Variants in SHANK2 observed in about 807,000 individuals in gnomAD.
SHANK2 encodes the protein SH3 and multiple ankyrin repeat domains 2, also known as SH3 and multiple ankyrin repeat domains protein 2.
In SHANK2, 43 loss-of-function variants were observed where a neutral mutation model predicts 133.7. That is an observed-to-expected ratio of 0.32 (90% CI 0.25 to 0.41). The LOEUF (loss-of-function observed/expected upper bound fraction) is 0.41. SHANK2 is among the 10% of genes least tolerant of loss of function. The pLI is 1.00. For missense variants in SHANK2, 1,994 were observed against 2,235.8 expected (o/e 0.89, Z 2.18); for synonymous variants, 1,017 against 952.8 (o/e 1.07, Z -1.24).
chr11:70,765,913 G>A (rs533017061), intron 14 of SHANK2, among the ~76,000 whole-genome samples: 3 of 152,278 alleles, frequency 2.0e-5, no homozygotes, highest in African/African-American at 7.2e-5. Context: ...ATCTGTACGG[G>A]GTGAGCACCT....
chr11:71,243,275 A>T (rs895759942), intron 1 of SHANK2, among the ~76,000 whole-genome samples: 1 of 152,258 alleles, frequency 6.6e-6, no homozygotes, highest in Admixed American at 6.5e-5. Context: ...TGAAACTACA[A>T]GTTGGTTATT....
rs1555055506 is a variant in SHANK2, at chr11:70,820,369, A to G, written c.1488T>C (p.His496=). The G allele has an allele frequency of 1.6e-6, 1 of 632,578 alleles. No individual in the cohort carries two copies. The highest frequency in any genetic ancestry group is 2.4e-5 in the Admixed American group (1 of 41,186). 39.2% of individuals were successfully genotyped at this position (632,578 alleles called of 1,614,324 possible). A position where few individuals can be genotyped will look rare whatever the true frequency, so the allele number is the denominator to read the frequency against. The part of the protein sequence containing the change: ...EDGKRPQPLW[H]VGSPFALGAN... ...TGGCGTCTGCCACTCCTTACCCGAC[A>G]TGCCAGAGAGGCTGCGGCCTCTTGC... The change falls in exon 12 of 26, where the codon CAT becomes CAC. Residue 496 remains histidine, a synonymous_variant. Transcript: ENST00000601538.
intron 11 of SHANK2, among the ~76,000 whole-genome samples, chr11:70,847,691 C>G (rs1555063952): frequency 6.6e-6 from 1 of 152,216 alleles, no homozygotes; most frequent in African/African-American, 2.4e-5. Context: ...ACTCAGGTTC[C>G]GAGTTCACAA....
intron 2 of SHANK2, among the ~76,000 whole-genome samples, chr11:71,209,294 C>T (rs1412498872): frequency 2.6e-5 from 4 of 152,204 alleles, no homozygotes; most frequent in Admixed American, 1.3e-4. Context: ...ATCAAGAAAT[C>T]CCCTTCACAA....
intron 2 of SHANK2, among the ~76,000 whole-genome samples, chr11:71,202,787 C>A (rs1040236063): frequency 1.3e-5 from 2 of 152,214 alleles, no homozygotes; most frequent in Admixed American, 1.3e-4. Flanking sequence ...CTGGCCGGCT[C>A]CACTGCCTGC....
At chr11:70,741,439 T>G (rs1555034758) in intron 14 of SHANK2, among the ~76,000 whole-genome samples, 1 of 152,196 alleles carries the variant, frequency 6.6e-6, no homozygotes, top group African/African-American at 2.4e-5. Context: ...TTCTTCTACC[T>G]TCAGACCCAC....
chr11:70,591,317 A>T (rs2060317860), intron 17 of SHANK2, among the ~76,000 whole-genome samples: 1 of 151,990 alleles, frequency 6.6e-6, no homozygotes, highest in Admixed American at 6.6e-5. Flanking sequence ...ATGCCACTGC[A>T]CTCCAGTATG....
At chr11:71,058,200 T>C (rs942915252) in intron 9 of SHANK2, among the ~76,000 whole-genome samples, 1 of 152,220 alleles carries the variant, frequency 6.6e-6, no homozygotes, top group Non-Finnish European at 1.5e-5. Flanking sequence ...CAGCCTCTTA[T>C]GCATTTTCAT....
At chr11:70,512,205 C>T (rs1554969375) in intron 17 of SHANK2, among the ~76,000 whole-genome samples, 1 of 152,194 alleles carries the variant, frequency 6.6e-6, no homozygotes, top group East Asian at 1.9e-4. Flanking sequence ...TGAATTCTAC[C>T]TGCCAGCTGC....
At chr11:70,505,350 T>TG (rs1289949580) in intron 17 of SHANK2, among the ~76,000 whole-genome samples, 42 of 151,244 alleles carry the variant, frequency 2.8e-4, no homozygotes, top group African/African-American at 8.7e-4. Context: ...CAAACACACG[T>TG]GGGGGGGCAC....
intron 3 of SHANK2, among the ~76,000 whole-genome samples, chr11:71,144,713 A>C (rs1346590432): frequency 6.6e-6 from 1 of 152,236 alleles, no homozygotes; most frequent in Non-Finnish European, 1.5e-5. Flanking sequence ...CCAGTGTTTC[A>C]TAATCACTTC....
In SHANK2 at chr11:70,510,511, T is replaced by C. The variant is rs149906080; in HGVS notation, c.2062-7580A>G. 9.2e-5 allele frequency among the ~76,000 whole-genome samples: 14 copies of C among 152,234 alleles called. No individual in the cohort carries two copies. In the East Asian group the frequency reaches 1.5e-3, roughly 17 times the overall value. The stretch of plus-strand genomic sequence containing the variant: ...TGTAATGTGGGTCCCTGAGAAGAGA[T>C]TGTCTTTCCTGCCTCTGCCAGCGCC... On this transcript the variant is annotated intron_variant, in intron 17 of 25. Coordinates refer to ENST00000601538, the MANE Select transcript of SHANK2 (RefSeq NM_012309.5).
intron 2 of SHANK2, among the ~76,000 whole-genome samples, chr11:71,205,548 C>T (rs759930222): frequency 1.3e-5 from 2 of 152,246 alleles, no homozygotes; most frequent in Non-Finnish European, 2.9e-5. Flanking sequence ...CCTTCAGCCT[C>T]CTTCCCCAGT....
At chr11:71,073,173 T>TTTTTTTTTTTTTTTTTTTTTTC (rs1590884784) in intron 9 of SHANK2, among the ~76,000 whole-genome samples, 1 of 106,790 alleles carries the variant, frequency 9.4e-6, no homozygotes, top group African/African-American at 2.9e-5. Context: ...TTCTTTTTTT[T>TTTTTTTTTTTTTTTTTTTTTTC]TTTGAGATAG....
In SHANK2 at chr11:71,080,651, T is replaced by C. The variant is rs1429023263; in HGVS notation, c.913-5376A>G. Reference sequence around the variant, plus strand: ...CTCCCAAAACATATGCCTTGTGACATGAGGTAGAGACACCACAGCCCACAC... The same window carrying C: ...CTCCCAAAACATATGCCTTGTGACACGAGGTAGAGACACCACAGCCCACAC... On this transcript the variant is annotated intron_variant, in intron 8 of 25. Coordinates refer to ENST00000601538, the MANE Select transcript of SHANK2 (RefSeq NM_012309.5). 5.3e-5 allele frequency among the ~76,000 whole-genome samples: 8 copies of C among 152,244 alleles called. No homozygotes were observed. In the East Asian group the frequency reaches 5.8e-4, roughly 11 times the overall value.
chr11:70,578,926 C>T (rs1475910579), intron 17 of SHANK2, among the ~76,000 whole-genome samples: 1 of 152,222 alleles, frequency 6.6e-6, no homozygotes, highest in East Asian at 1.9e-4. Flanking sequence ...TGGGCGGCCT[C>T]CCCTTACAGC....
rs188077392 is a variant in SHANK2, at chr11:70,613,915, C to T, written c.2061+45913G>A. ...AAGTAGCTGGGATTACAGGCACGCACCACCATGCCCAGCTAATTTTTGCAT... is the reference window on the plus strand; with the variant it reads ...AAGTAGCTGGGATTACAGGCACGCATCACCATGCCCAGCTAATTTTTGCAT... On this transcript the variant is annotated intron_variant, in intron 17 of 25. Coordinates refer to ENST00000601538, the MANE Select transcript of SHANK2 (RefSeq NM_012309.5). 4.1e-3 allele frequency among the ~76,000 whole-genome samples: 629 copies of T among 152,178 alleles called. 4 individuals are homozygous for T. The highest frequency in any genetic ancestry group is 7.3e-3 in the Non-Finnish European group (498 of 68,004).
chr11:70,536,701 C>T (rs781853566), intron 17 of SHANK2, among the ~76,000 whole-genome samples: 18 of 152,230 alleles, frequency 1.2e-4, no homozygotes, highest in Non-Finnish European at 2.2e-4. Context: ...TTGGACATTT[C>T]GTGAAAATGG....
chr11:70,740,542 T>C (rs967960173), intron 14 of SHANK2, among the ~76,000 whole-genome samples: 51 of 152,280 alleles, frequency 3.3e-4, no homozygotes, highest in African/African-American at 1.1e-3. Context: ...CCTCATCCCC[T>C]GGGGTGATGC....
Sources: allele counts gnomAD v4.1 joint callset (sites outside exome capture counted in the v4.1 genomes callset), GRCh38; gene constraint gnomAD v4.1.1; transcripts MANE v1.5; gene names NCBI Gene and HGNC (gene_info 2026-07-23, HGNC 2026-07-21).